INSR: variants seen among roughly 807,000 people sequenced by gnomAD.
INSR encodes the protein insulin receptor, also known as IR.
A neutral mutation model predicts 142.6 loss-of-function variants in INSR; 67 were observed. That is an observed-to-expected ratio of 0.47 (90% confidence interval 0.39 to 0.58). The LOEUF is 0.58. Ranked by LOEUF, INSR falls within the 20% of genes least tolerant of loss-of-function variation. The pLI is 0.00. For synonymous variants in INSR, 756 were observed against 743.1 expected, an observed-to-expected ratio of 1.02 and a Z score of -0.28; for missense variants, 1,248 against 1,833.2, an observed-to-expected ratio of 0.68 and a Z score of 5.83.
At chr19:7,122,416 C>A (rs1281058919) in intron 19 of INSR, among the ~76,000 whole-genome samples, 198 bp downstream of exon 19, 1 of 151,902 alleles carries the variant, frequency 6.6e-6, no homozygotes, top group East Asian at 1.9e-4. Context: ...GCACTCCAGC[C>A]TGGGCAACAG....
At chr19:7,215,436 A>T (rs1181061532) in intron 2 of INSR, among the ~76,000 whole-genome samples, 1 of 142,564 alleles carries the variant, frequency 7.0e-6, no homozygotes, top group Non-Finnish European at 1.5e-5. Flanking sequence ...CCCTCCACCC[A>T]CTCAGTCCTC....
intron 1 of INSR, among the ~76,000 whole-genome samples, chr19:7,275,610 C>A (rs11673358): frequency 0.6 from 91,629 of 151,600 alleles, 29,566 homozygotes; most frequent in Non-Finnish European, 0.73. Flanking sequence ...TGGTGAAACC[C>A]CGTCTCTACT....
At chr19:7,199,029 G>A (rs1397497804) in intron 2 of INSR, among the ~76,000 whole-genome samples, 2 of 151,852 alleles carry the variant, frequency 1.3e-5, no homozygotes, top group Non-Finnish European at 2.9e-5. Flanking sequence ...GACTACAGGC[G>A]TGCATCACTA....
intron 2 of INSR, among the ~76,000 whole-genome samples, chr19:7,198,277 G>C (rs1974847876): frequency 6.6e-6 from 1 of 151,474 alleles, no homozygotes; most frequent in South Asian, 2.1e-4. Context: ...CCCCGGGTGC[G>C]CCGGGCTCCG....
intron 1 of INSR, among the ~76,000 whole-genome samples, chr19:7,290,144 C>T (rs1471817225): frequency 1.3e-5 from 2 of 152,192 alleles, no homozygotes; most frequent in Non-Finnish European, 2.9e-5. Context: ...GTGGCTCATG[C>T]CTGTGATCCC....
intron 14 of INSR, among the ~76,000 whole-genome samples, chr19:7,131,438 C>T (rs1301452183): frequency 2.0e-5 from 3 of 151,348 alleles, no homozygotes; most frequent in South Asian, 2.1e-4. Flanking sequence ...CTCTGCTTCC[C>T]GGGTTCCTGA....
At chr19:7,279,612 A>C (rs976816701) in intron 1 of INSR, among the ~76,000 whole-genome samples, 10 of 151,560 alleles carry the variant, frequency 6.6e-5, no homozygotes, top group African/African-American at 2.4e-4. Context: ...AGATGGGGGA[A>C]CAGGTACGGA....
intron 21 of INSR, among the ~76,000 whole-genome samples, chr19:7,118,216 T>C (rs981939303): frequency 6.6e-6 from 1 of 151,922 alleles, no homozygotes; most frequent in African/African-American, 2.4e-5. Context: ...TCTACCAGCC[T>C]GGGTGACACA....
At position 7,145,620 on chromosome 19, in the gene INSR, G is replaced by C. The variant is rs12461909; in HGVS notation, c.2268-2530C>G. Among the ~76,000 whole-genome samples the C allele has an allele frequency of 0.044, 6,759 of 152,280 alleles. 907 individuals are homozygous for C. In the East Asian group the frequency reaches 0.5, roughly 11 times the overall value. On this transcript the variant is annotated intron_variant, in intron 11 of 21. Coordinates refer to ENST00000302850, the MANE Select transcript of INSR (RefSeq NM_000208.4). The stretch of plus-strand genomic sequence containing the variant: ...CTGTCACAACTACTCTGTCATTGTA[G>C]CTTAAAGCAGCCCTACATGATGTGT...
At chr19:7,237,207 C>A (rs1289997065) in intron 2 of INSR, among the ~76,000 whole-genome samples, 2 of 151,750 alleles carry the variant, frequency 1.3e-5, no homozygotes, top group Non-Finnish European at 2.9e-5. Context: ...ACCTGTTCCC[C>A]CAAAACCTAT....
Position 7,112,741 on chromosome 19 carries a change from T to G in INSR, c.*4315A>C, listed in dbSNP as rs1026047506. 6 of 151,868 alleles carry G rather than the reference T, an allele frequency of 4.0e-5. No homozygotes were observed. Among genetic ancestry groups the G allele is most frequent in the Non-Finnish European group, 7.4e-5 (5 of 67,956 alleles). 9.4% of individuals were successfully genotyped at this position (151,868 alleles called of 1,614,324 possible). A position where few individuals can be genotyped will look rare whatever the true frequency, so the allele number is the denominator to read the frequency against. On this transcript the variant is annotated 3_prime_UTR_variant, in exon 22 of 22. Coordinates refer to ENST00000302850, the MANE Select transcript of INSR (RefSeq NM_000208.4). Reference sequence around the variant, plus strand: ...CTTGACTAGTATCAGAAGGTAAAAGTAAGCTCAAAAAGCCATTGTGTCCCC... The same window carrying G: ...CTTGACTAGTATCAGAAGGTAAAAGGAAGCTCAAAAAGCCATTGTGTCCCC...
At chr19:7,233,692 T>C (rs1273719636) in intron 2 of INSR, among the ~76,000 whole-genome samples, 1 of 118,142 alleles carries the variant, frequency 8.5e-6, no homozygotes, top group Non-Finnish European at 1.7e-5. Context: ...TTTTTTTTTT[T>C]TGAGACGCAG....
At position 7,188,004 on chromosome 19, in the gene INSR, C is replaced by T. The variant is rs201564065; in HGVS notation, c.653-3367G>A. The stretch of plus-strand genomic sequence containing the variant: ...TGCCAGTCTTGCTAAATTCTTCTCC[C>T]AGGCTGGCCTCCTTTCTGCACCTCC... On this transcript the variant is annotated intron_variant, in intron 2 of 21. Transcript: ENST00000302850. Among the ~76,000 whole-genome samples, 24 of 152,206 alleles carry T rather than the reference C, an allele frequency of 1.6e-4. No homozygotes were observed. The East Asian group carries it at 3.9e-3, about 24-fold the overall frequency.
chr19:7,264,193 C>T (rs1385515301), intron 2 of INSR, among the ~76,000 whole-genome samples: 3 of 148,722 alleles, frequency 2.0e-5, no homozygotes, highest in East Asian at 3.9e-4. Context: ...AAAAAGTAGC[C>T]GGATGTGGTG....
At chr19:7,142,262 C>T (rs923921834) in intron 12 of INSR, among the ~76,000 whole-genome samples, 3 of 150,456 alleles carry the variant, frequency 2.0e-5, no homozygotes, top group East Asian at 2.0e-4. Context: ...TGGTGGCACA[C>T]GCATGTAGTC....
Position 7,117,140 on chromosome 19 carries a change from G to T in INSR, c.4065C>A (p.Tyr1355Ter), listed in dbSNP as rs140573377. Reference sequence around the variant, plus strand: ...TGTGTGTGTAAGGGATGTGTTCCTCGTAGCTCCGCTTGAAACCCAGCGAGG... The same window carrying T: ...TGTGTGTGTAAGGGATGTGTTCCTCTTAGCTCCGCTTGAAACCCAGCGAGG... ...GGSSLGFKRS[Y>*]EEHIPYTHMN... The change falls in exon 22 of 22, where the codon TAC (tyrosine) becomes TAA (stop). Residue 1355 changes from tyrosine to a stop codon, truncating the protein, a stop_gained. Transcript: ENST00000302850. LOFTEE classifies it high-confidence loss of function. The T allele has an allele frequency of 2.5e-6, 4 of 1,614,044 alleles. No individual in the cohort carries two copies. The highest frequency in any genetic ancestry group is 3.4e-6 in the Non-Finnish European group (4 of 1,179,994).
intron 2 of INSR, among the ~76,000 whole-genome samples, chr19:7,219,150 G>A (rs969289068): frequency 6.6e-6 from 1 of 152,184 alleles, no homozygotes. Flanking sequence ...CATCTGAGTA[G>A]GGGCTTTATT....
At position 7,166,293 on chromosome 19, in the gene INSR, G is replaced by A; in HGVS notation, c.1722C>T (p.Asn574=). 2 of 1,614,168 alleles carry A rather than the reference G, an allele frequency of 1.2e-6. No homozygotes were observed. The highest frequency in any genetic ancestry group is 1.7e-6 in the Non-Finnish European group (2 of 1,180,034). The stretch of plus-strand genomic sequence containing the variant: ...GACCCCGCATCAGCCACCCTGGGTG[G>A]TTCTGTGATTTGGGGTCGTTGGACC... ...PLRSNDPKSQ[N]HPGWLMRGLK... The change falls in exon 8 of 22, where the codon AAC becomes AAT. Residue 574 remains asparagine, a synonymous_variant. Coordinates refer to ENST00000302850, the MANE Select transcript of INSR (RefSeq NM_000208.4). This position sits in a 1 kb window ranked among gnomAD's most constrained non-coding sequence, Gnocchi z 4.1.
chr19:7,122,326 C>A (rs1318622492), intron 19 of INSR, among the ~76,000 whole-genome samples: 1 of 151,726 alleles, frequency 6.6e-6, no homozygotes, highest in Non-Finnish European at 1.5e-5. Context: ...ACCTGTAGTC[C>A]CAGCTACTTG....
Sources: gnomAD v4.1 joint callset for allele counts (sites outside exome capture counted in the v4.1 genomes callset) on GRCh38, gnomAD v4.1.1 for gene constraint, Gnocchi (gnomAD v3.1) non-coding constraint, MANE v1.5 for transcripts, NCBI Gene and HGNC (gene_info 2026-07-23, HGNC 2026-07-21) for gene names.